ZFYVE27: variants seen among roughly 807,000 people sequenced by gnomAD.
ZFYVE27 encodes the protein protrudin.
In ZFYVE27, 36 loss-of-function variants were observed where a neutral mutation model predicts 52.8. The ratio of observed to expected loss-of-function variants is 0.68; its 90% CI spans 0.52 to 0.90. The LOEUF (loss-of-function observed/expected upper bound fraction) is 0.90. Among genes scored for constraint, ZFYVE27 ranks in the 40% least tolerant of loss-of-function variants. The pLI is 0.00. For synonymous variants in ZFYVE27, 223 were observed against 215.6 expected, an observed-to-expected ratio of 1.03 and a Z score of -0.30; for missense variants, 450 against 527.2, an observed-to-expected ratio of 0.85 and a Z score of 1.43.
chr10:97,738,349 A>AT, intron 1 of ZFYVE27, 128 bp from the exon 2 acceptor site: 1 of 993,996 alleles, frequency 1.0e-6, no homozygotes, highest in South Asian at 1.3e-5. Flanking sequence ...AAAGAACAGG[A>AT]TTTTAGGTCT....
chr10:97,743,056 G>A (rs746072856), intron 2 of ZFYVE27, 38 bp from the exon 3 acceptor site: 6 of 1,611,964 alleles, frequency 3.7e-6, no homozygotes, highest in South Asian at 1.1e-5. Flanking sequence ...AGCTGGAGGA[G>A]TGACTCTCTG....
In ZFYVE27 at chr10:97,760,281, C is replaced by CT. The variant is rs2049289696; in HGVS notation, c.*982dup. 1 of 152,142 alleles carries CT rather than the reference C, an allele frequency of 6.6e-6. No individual in the cohort carries two copies. The allele number at this position is 152,142 out of a possible 1,614,324, so 9.4% of individuals were successfully genotyped here. A position where few individuals can be genotyped will look rare whatever the true frequency, so the allele number is the denominator to read the frequency against. On this transcript the variant is annotated 3_prime_UTR_variant, in exon 13 of 13. Transcript: ENST00000684270. ...CTGGGCTGGGTCCTGGATTCCAGGG[C>CT]TATTCCCTGGAGGACAGTCTCAGTT...
intron 2 of ZFYVE27, among the ~76,000 whole-genome samples, chr10:97,741,431 G>A (rs535308062): frequency 3.9e-5 from 6 of 152,334 alleles, no homozygotes; most frequent in African/African-American, 1.2e-4. Flanking sequence ...ACTATGTGCA[G>A]CCATGAAAAA....
chr10:97,739,091 A>G (rs1285043509), intron 2 of ZFYVE27, among the ~76,000 whole-genome samples: 1 of 117,446 alleles, frequency 8.5e-6, no homozygotes, highest in Non-Finnish European at 1.8e-5. Context: ...AGCAGATACC[A>G]TTTTCACTAC....
intron 7 of ZFYVE27, 115 bp downstream of exon 7, chr10:97,750,585 C>T: frequency 7.4e-7 from 1 of 1,360,378 alleles, no homozygotes; most frequent in Non-Finnish European, 1.0e-6. Context: ...TTTCCCAGGC[C>T]TTAACTCCCC....
Position 97,759,459 on chromosome 10 carries a change from G to T in ZFYVE27, c.*159G>T. The T allele has an allele frequency of 1.3e-6, 1 of 773,412 alleles. No homozygotes were observed. The allele number at this position is 773,412 out of a possible 1,614,324, so 47.9% of individuals were successfully genotyped here. ...TCCTCACTCTCTCCAGCTGGATTCT[G>T]GAGCTGTTCTCCATCCATGAGAGTG... On this transcript the variant is annotated 3_prime_UTR_variant, in exon 13 of 13. Transcript: ENST00000684270.
rs138378295 is a variant in ZFYVE27 at position 97,748,664 on chromosome 10, T to C, written c.551+300T>C. On this transcript the variant is annotated intron_variant, in intron 5 of 12. Coordinates refer to ENST00000684270, the MANE Select transcript of ZFYVE27 (RefSeq NM_001385875.1). ...TAGAATTTGTCACATGCATCTACTT[T>C]ACGGATGTATAGTTTCATAGTGTAT... Among the ~76,000 whole-genome samples the C allele has an allele frequency of 9.2e-5, 14 of 152,366 alleles. No individual in the cohort carries two copies. In the East Asian group the frequency reaches 2.7e-3, roughly 29 times the overall value.
rs2048797727 is a variant in ZFYVE27, at chr10:97,757,910, A to C, written c.1171+187A>C. Reference sequence around the variant, plus strand: ...TGGTACATGCCGAAGAATAGATATGATGTACCTGTGAATTGTGAAGGGTAA... The same window carrying C: ...TGGTACATGCCGAAGAATAGATATGCTGTACCTGTGAATTGTGAAGGGTAA... On this transcript the variant is annotated intron_variant, in intron 12 of 12. Coordinates refer to ENST00000684270, the MANE Select transcript of ZFYVE27 (RefSeq NM_001385875.1). 3 of 594,314 alleles carry C rather than the reference A, an allele frequency of 5.0e-6. No individual in the cohort carries two copies. The Admixed American group carries it at 8.9e-5, about 18-fold the overall frequency. The allele number at this position is 594,314 out of a possible 1,614,324, so 36.8% of individuals were successfully genotyped here. A position where few individuals can be genotyped will look rare whatever the true frequency, so the allele number is the denominator to read the frequency against.
rs770662937 is a variant in ZFYVE27 at position 97,751,404 on chromosome 10, G to A, written c.818G>A (p.Gly273Asp). The A allele has an allele frequency of 4.3e-6, 7 of 1,613,932 alleles. 1 individual carries two copies. In the South Asian group the frequency reaches 7.7e-5, roughly 18 times the overall value. ...CTCTCTTCCCAGGACCTCACACCGG[G>A]CAGCGTGGAGGAGGCTGAGGAGGCT... ...ALTPTEDLTP[G>D]SVEEAEEAEP... Residue 273 changes from glycine (G) to aspartate (D), a missense_variant, in exon 8 of 13, where the codon GGC becomes GAC. Gly to Asp is a moderately conservative substitution (Grantham distance 94). Transcript: ENST00000684270.
At chr10:97,746,448 T>G (rs747202681) in intron 4 of ZFYVE27, among the ~76,000 whole-genome samples, 1 of 152,236 alleles carries the variant, frequency 6.6e-6, no homozygotes, top group Non-Finnish European at 1.5e-5. Context: ...GCTTCGTCTA[T>G]CTCTCTACAT....
chr10:97,742,584 C>T (rs1378953040), intron 2 of ZFYVE27, among the ~76,000 whole-genome samples: 1 of 152,122 alleles, frequency 6.6e-6, no homozygotes, highest in Non-Finnish European at 1.5e-5. Context: ...AAAATAAACT[C>T]TCAGATAAAC....
At chr10:97,752,907 G>A (rs2047366190) in intron 9 of ZFYVE27, 30 bp downstream of exon 9, 2 of 1,613,572 alleles carry the variant, frequency 1.2e-6, no homozygotes, top group Non-Finnish European at 1.7e-6. Flanking sequence ...GGTGGGCAGG[G>A]GCTGGGCTGG....
intron 5 of ZFYVE27, 105 bp downstream of exon 5, chr10:97,748,469 G>T: frequency 8.8e-7 from 1 of 1,131,328 alleles, no homozygotes; most frequent in Non-Finnish European, 1.3e-6. Context: ...TACCTCAGGG[G>T]AAGAGCTCGC....
chr10:97,744,681 C>G, intron 3 of ZFYVE27, 48 bp from the exon 4 acceptor site: 2 of 1,608,552 alleles, frequency 1.2e-6, no homozygotes, highest in Non-Finnish European at 1.7e-6. Context: ...TGGGCCGACT[C>G]CTGGTCTTTG....
intron 10 of ZFYVE27, among the ~76,000 whole-genome samples, chr10:97,755,088 A>G (rs1292187421): frequency 6.6e-6 from 1 of 152,060 alleles, no homozygotes; most frequent in Non-Finnish European, 1.5e-5. Context: ...TTTGGTTTGG[A>G]TAATCTCTAC....
At chr10:97,754,077 TG>T (rs2047706388) in intron 10 of ZFYVE27, among the ~76,000 whole-genome samples, 1 of 152,176 alleles carries the variant, frequency 6.6e-6, no homozygotes, top group African/African-American at 2.4e-5. Flanking sequence ...TCCTGCCTGC[TG>T]TCAGATGGGA....
intron 10 of ZFYVE27, chr10:97,754,920 A>C: frequency 3.5e-6 from 3 of 852,238 alleles, no homozygotes; most frequent in Non-Finnish European, 4.2e-6. Context: ...CTTTGCCCAG[A>C]GACTTTGGCC....
rs369416758 is a variant in ZFYVE27, at chr10:97,744,965, A to G, written c.455+50A>G. 2,633 of 1,536,224 alleles carry G rather than the reference A, an allele frequency of 1.7e-3. 3 individuals are homozygous for G. The highest frequency in any genetic ancestry group is 2.1e-3 in the Non-Finnish European group (2,405 of 1,143,294). ...AGGTGGGGGAACAGTAACAGCAGCC[A>G]TGACACTAAGTGCTAGCTTTGTGTG... is the stretch of plus-strand genomic sequence containing the variant. On this transcript the variant is annotated intron_variant, in intron 4 of 12. Coordinates refer to ENST00000684270, the MANE Select transcript of ZFYVE27 (RefSeq NM_001385875.1).
intron 3 of ZFYVE27, among the ~76,000 whole-genome samples, chr10:97,743,835 G>A (rs1053129415): frequency 1.3e-5 from 2 of 152,312 alleles, no homozygotes; most frequent in East Asian, 1.9e-4. Context: ...AGTGCATACC[G>A]TGACCCTACC....
Sources: allele counts gnomAD v4.1 joint callset (sites outside exome capture counted in the v4.1 genomes callset), GRCh38; gene constraint gnomAD v4.1.1; transcripts MANE v1.5; gene names NCBI Gene and HGNC (gene_info 2026-07-23, HGNC 2026-07-21).